The following PCSK7 variants were observed in gnomAD, a reference collection of about 807,000 sequenced individuals.
PCSK7 encodes proprotein convertase subtilisin/kexin type 7.
Under a neutral mutation model 73.3 loss-of-function variants are expected in PCSK7, and 38 were observed. That is an observed-to-expected ratio of 0.52 (90% CI 0.40 to 0.68). PCSK7 has a LOEUF of 0.68. Among genes scored for constraint, PCSK7 ranks in the 30% least tolerant of loss-of-function variants. PCSK7 has a pLI of 0.00. For synonymous variants in PCSK7, 296 were observed against 383.8 expected (o/e 0.77, Z 2.68); for missense variants, 692 against 991.5 (o/e 0.70, Z 4.06).
intron 2 of PCSK7, chr11:117,230,129 A>C (rs2032587371): frequency 2.5e-6 from 1 of 393,182 alleles, no homozygotes; most frequent in African/African-American, 2.0e-5. Context: ...ATCCAGCAGG[A>C]GGTCCAGTTG....
intron 12 of PCSK7, chr11:117,213,012 G>C (rs1269297529): frequency 1.3e-5 from 2 of 152,274 alleles, no homozygotes; most frequent in Non-Finnish European, 2.9e-5. Context: ...CACTGTGCCT[G>C]GCCACCAGTT....
At chr11:117,219,507 G>T (rs1232589688) in intron 10 of PCSK7, 84 bp downstream of exon 10, 3 of 1,262,416 alleles carry the variant, frequency 2.4e-6, no homozygotes, top group East Asian at 4.7e-5. Context: ...CTAACATTTG[G>T]GACATTGAGA....
At chr11:117,224,828 T>G in intron 6 of PCSK7, 73 bp from the exon 7 acceptor site, 2 of 1,112,034 alleles carry the variant, frequency 1.8e-6, no homozygotes, top group Non-Finnish European at 2.8e-6. Context: ...CCTCCCAGTC[T>G]CAGCTGGCTG....
intron 11 of PCSK7, 51 bp downstream of exon 11, chr11:117,219,006 G>T: frequency 1.6e-6 from 2 of 1,282,014 alleles, no homozygotes; most frequent in Non-Finnish European, 2.2e-6. Flanking sequence ...ATTCAGCTCC[G>T]ACCCTTGGTC....
chr11:117,219,831 GT>G, intron 9 of PCSK7, 73 bp from the exon 10 acceptor site: 2 of 1,200,888 alleles, frequency 1.7e-6, no homozygotes, highest in Admixed American at 2.8e-5. Context: ...TGCACCTATA[GT>G]CCCGGCTACC....
chr11:117,224,135 G>A lies in PCSK7; in HGVS notation c.997C>T (p.His333Tyr). 1 of 1,614,168 alleles carries A rather than the reference G, an allele frequency of 6.2e-7. No individual in the cohort carries two copies. Among genetic ancestry groups the A allele is most frequent in the Non-Finnish European group, 8.5e-7 (1 of 1,179,998 alleles). ...CCATCGTAGTTGCAGTTGTCGTTGT[G>A]TTGGCCTCCGTTGCCACTGGCTACC... ...FVVASGNGGQ[H>Y]NDNCNYDGYA... Residue 333 changes from histidine (H) to tyrosine (Y), a missense_variant, in exon 8 of 17, where the codon CAC (histidine) becomes TAC (tyrosine). Around this residue, in one of 6 missense-constraint regions of PCSK7, gnomAD observed 574 missense variants for 689.8 expected, o/e 0.83. Coordinates refer to ENST00000320934, the MANE Select transcript of PCSK7 (RefSeq NM_004716.4).
At chr11:117,228,377 A>G in intron 3 of PCSK7, 27 bp from the exon 4 acceptor site, 1 of 1,609,900 alleles carries the variant, frequency 6.2e-7, no homozygotes, top group Non-Finnish European at 8.5e-7. Context: ...ATGGGAATAC[A>G]GTGACACATA....
intron 12 of PCSK7, chr11:117,217,920 A>G (rs1456049327): frequency 1.3e-5 from 2 of 152,286 alleles, no homozygotes; most frequent in Non-Finnish European, 2.9e-5. Flanking sequence ...CCTTCAGACA[A>G]TCCTGGTTCA....
chr11:117,229,717 C>A lies in PCSK7; in HGVS notation c.128G>T (p.Gly43Val). The A allele has an allele frequency of 6.2e-7, 1 of 1,613,990 alleles. No individual in the cohort carries two copies. Among genetic ancestry groups the A allele is most frequent in the Non-Finnish European group, 8.5e-7 (1 of 1,179,894 alleles). ...PWVMGLAGTG[G>V]PDGQGTGGPS... ...CCCCCCTGTGCCCTGGCCATCAGGC[C>A]CACCTGTCCCTGCCAGGCCCATGAC... The change falls in exon 3 of 17, where the codon GGG becomes GTG. Residue 43 changes from glycine to valine, a missense_variant. Coordinates refer to ENST00000320934, the MANE Select transcript of PCSK7 (RefSeq NM_004716.4).
intron 12 of PCSK7, chr11:117,217,674 A>G (rs1297249887): frequency 1.3e-5 from 2 of 152,198 alleles, no homozygotes; most frequent in Non-Finnish European, 2.9e-5. Context: ...AGGACAGAAA[A>G]AGTGAAGACA....
chr11:117,230,270 G>T (rs773848198), intron 2 of PCSK7, 79 bp downstream of exon 2: 1 of 163,722 alleles, frequency 6.1e-6, no homozygotes, highest in Admixed American at 6.2e-5. Context: ...ATTTAGAGGG[G>T]ACATAAATCT....
chr11:117,216,807 T>A (rs1288113117), intron 12 of PCSK7: 1 of 152,108 alleles, frequency 6.6e-6, no homozygotes, highest in African/African-American at 2.4e-5. Context: ...TTTTGTCTGC[T>A]CAGAGGAAAA....
At chr11:117,226,422 C>T (rs1565317369) in intron 5 of PCSK7, 1 of 209,496 alleles carries the variant, frequency 4.8e-6, no homozygotes, top group Non-Finnish European at 9.9e-6. Flanking sequence ...AGGTGTGATC[C>T]CCATAGCCCC....
chr11:117,210,082 T>C (rs1264520796), intron 12 of PCSK7: 1 of 152,208 alleles, frequency 6.6e-6, no homozygotes, highest in Non-Finnish European at 1.5e-5. Flanking sequence ...TGCATACAGC[T>C]ACACACGCGC....
At chr11:117,217,550 ATTC>A (rs1464272606) in intron 12 of PCSK7, 1 of 152,192 alleles carries the variant, frequency 6.6e-6, no homozygotes, top group Non-Finnish European at 1.5e-5. Flanking sequence ...AGAAAACTCA[ATTC>A]TTCTCTGTGA....
chr11:117,208,965 G>C lies in PCSK7; in HGVS notation c.1623C>G (p.Ser541Arg). ...TVSITHPRRG[S>R]LELKLFCPSG... is the part of the protein sequence containing the mutation. ...TGGGGCAGAACAGCTTCAGCTCCAAGCTGCCGCGCCGTGGGTGAGTGATGG... is the reference window on the plus strand; with the variant it reads ...TGGGGCAGAACAGCTTCAGCTCCAACCTGCCGCGCCGTGGGTGAGTGATGG... The change falls in exon 13 of 17, where the codon AGC (serine) becomes AGG (arginine). Residue 541 changes from serine (S) to arginine (R), a missense_variant. Physicochemically the swap from Ser to Arg is moderately radical, Grantham distance 110. Coordinates refer to ENST00000320934, the MANE Select transcript of PCSK7 (RefSeq NM_004716.4). The C allele has an allele frequency of 6.2e-7, 1 of 1,612,310 alleles. No individual in the cohort carries two copies. The highest frequency in any genetic ancestry group is 8.5e-7 in the Non-Finnish European group (1 of 1,179,760).
At chr11:117,226,729 T>TGGAC (rs1263317557) in intron 5 of PCSK7, 2 of 165,386 alleles carry the variant, frequency 1.2e-5, no homozygotes, top group African/African-American at 4.8e-5. Flanking sequence ...TTTGCCTTGA[T>TGGAC]GGACAGACGT....
chr11:117,226,888 G>A (rs770237931), intron 5 of PCSK7: 116 of 379,194 alleles, frequency 3.1e-4, no homozygotes, highest in Non-Finnish European at 4.9e-4. Flanking sequence ...CACCATAGAC[G>A]TATCGGATCA....
chr11:117,204,352 T>C lies in PCSK7; in HGVS notation c.*1645A>G. The C allele has an allele frequency of 6.2e-7, 1 of 1,614,184 alleles. No homozygotes were observed. The highest frequency in any genetic ancestry group is 8.5e-7 in the Non-Finnish European group (1 of 1,180,030). The stretch of plus-strand genomic sequence containing the variant: ...GGCTACGGACGACCTCGGCAGATCA[T>C]CAGTTAGAGCGGAGAGGGCTAGCCC... On this transcript the variant is annotated 3_prime_UTR_variant, in exon 17 of 17. Coordinates refer to ENST00000320934, the MANE Select transcript of PCSK7 (RefSeq NM_004716.4).
Sources: gnomAD v4.1 joint callset for allele counts on GRCh38, gnomAD v4.1.1 for gene constraint, gnomAD v4.1.1 regional missense constraint, MANE v1.5 for transcripts, NCBI Gene and HGNC (gene_info 2026-07-23, HGNC 2026-07-21) for gene names.